DPCD: variants seen among roughly 807,000 people sequenced by gnomAD.
DPCD encodes the protein deleted in primary ciliary dyskinesia homolog (mouse), also known as protein DPCD.
Under a neutral mutation model 26.4 loss-of-function variants are expected in DPCD, and 20 were observed. The observed-to-expected ratio is 0.76, with a 90% confidence interval of 0.53 to 1.10. The LOEUF (loss-of-function observed/expected upper bound fraction) is 1.10, where lower values mean the gene tolerates loss of function less well. Ranked by LOEUF, DPCD falls within the 50% of genes least tolerant of loss-of-function variation. The pLI is 0.00. For synonymous variants in DPCD, 97 were observed against 94.2 expected (o/e 1.03, Z -0.17); for missense variants, 202 against 253.9 (o/e 0.80, Z 1.39).
At chr10:101,592,493 G>A (rs1014931404) in intron 1 of DPCD, among the ~76,000 whole-genome samples, 1 of 152,162 alleles carries the variant, frequency 6.6e-6, no homozygotes, top group African/African-American at 2.4e-5. Flanking sequence ...GCCAAGGCAG[G>A]AGGATCACTT....
At chr10:101,596,807 T>A (rs938613489) in intron 2 of DPCD, among the ~76,000 whole-genome samples, 5 of 152,272 alleles carry the variant, frequency 3.3e-5, no homozygotes, top group Admixed American at 2.6e-4. Flanking sequence ...AGGGACATGG[T>A]TTTTGTGGCA....
rs2063602366 is a variant in DPCD, at chr10:101,590,864, G to A, written c.64+2464G>A. ...ACTGCTCTAGGAACCTCGTCTAAGT[G>A]GAATCATACAATATTTGTCTTTCTG... is the stretch of plus-strand genomic sequence containing the variant. On this transcript the variant is annotated intron_variant, in intron 1 of 5. Coordinates refer to ENST00000370151, the MANE Select transcript of DPCD (RefSeq NM_015448.3). Among the ~76,000 whole-genome samples the A allele has an allele frequency of 2.0e-5, 3 of 152,070 alleles. No homozygotes were observed. The South Asian group carries it at 6.2e-4, about 32-fold the overall frequency.
chr10:101,590,822 TTCTG>T (rs1319802002), intron 1 of DPCD, among the ~76,000 whole-genome samples: 1 of 152,130 alleles, frequency 6.6e-6, no homozygotes, highest in African/African-American at 2.4e-5. Flanking sequence ...CCATTCTACT[TTCTG>T]TCTATGAATT....
chr10:101,590,032 G>A (rs1424172009), intron 1 of DPCD, among the ~76,000 whole-genome samples: 1 of 144,278 alleles, frequency 6.9e-6, no homozygotes, highest in Non-Finnish European at 1.5e-5. Flanking sequence ...CAGCTTGGGC[G>A]ACAGAGCGAG....
At chr10:101,590,288 G>A (rs1050289720) in intron 1 of DPCD, among the ~76,000 whole-genome samples, 1 of 152,026 alleles carries the variant, frequency 6.6e-6, no homozygotes, top group Non-Finnish European at 1.5e-5. Flanking sequence ...GGATGGAAGC[G>A]AGAATAAAAA....
At chr10:101,609,218 G>C in intron 5 of DPCD, 149 bp from the exon 6 acceptor site, 1 of 752,348 alleles carries the variant, frequency 1.3e-6, no homozygotes, top group Non-Finnish European at 2.2e-6. Context: ...TCCTACTCAG[G>C]CACATGACCT....
At chr10:101,602,296 T>C (rs1412122813) in intron 4 of DPCD, among the ~76,000 whole-genome samples, 2 of 152,196 alleles carry the variant, frequency 1.3e-5, no homozygotes, top group Non-Finnish European at 2.9e-5. Context: ...CCTCAGGTGA[T>C]GTGGTGCCAG....
chr10:101,604,749 G>T (rs556793170), intron 4 of DPCD, among the ~76,000 whole-genome samples: 2 of 152,116 alleles, frequency 1.3e-5, no homozygotes, highest in Non-Finnish European at 2.9e-5. Flanking sequence ...TTTAGGCAAG[G>T]TTTCCTCATC....
Position 101,609,427 on chromosome 10 carries a change from G to T in DPCD, c.568G>T (p.Val190Leu). 6.2e-7 allele frequency: 1 copy of T among 1,614,148 alleles called. No homozygotes were observed. The stretch of plus-strand genomic sequence containing the variant: ...TGAGCTACAGAAGGAACTAAAGAAG[G>T]TGAAGACAGCCCACAGCAACGATGG... ...ESELQKELKK[V>L]KTAHSNDGDC... Residue 190 changes from valine (V) to leucine (L), a missense_variant, in exon 6 of 6, where the codon GTG becomes TTG. Val to Leu is a conservative substitution (Grantham distance 32). Transcript: ENST00000370151.
intron 2 of DPCD, among the ~76,000 whole-genome samples, chr10:101,598,365 A>G (rs2063668588): frequency 2.0e-5 from 3 of 152,096 alleles, no homozygotes; most frequent in East Asian, 1.9e-4. Context: ...AAAAACAGAA[A>G]CCTTTCAAAA....
intron 1 of DPCD, chr10:101,588,645 G>C: frequency 7.5e-7 from 1 of 1,336,944 alleles, no homozygotes; most frequent in Non-Finnish European, 9.6e-7. Flanking sequence ...TGCTAATATA[G>C]TAATTTCTTT....
intron 1 of DPCD, 76 bp downstream of exon 1, chr10:101,588,476 T>C: frequency 6.5e-7 from 1 of 1,537,106 alleles, no homozygotes; most frequent in Non-Finnish European, 8.8e-7. Context: ...CCTCAGGGCC[T>C]GGGTCGGCAG....
At chr10:101,598,658 C>G (rs901772310) in intron 2 of DPCD, among the ~76,000 whole-genome samples, 2 of 97,396 alleles carry the variant, frequency 2.1e-5, no homozygotes, top group East Asian at 6.7e-4. Flanking sequence ...GAGTTTCACT[C>G]TTGTTGCCCA....
rs181594662 is a variant in DPCD at position 101,598,252 on chromosome 10, T to C, written c.146-2486T>C. On this transcript the variant is annotated intron_variant, in intron 2 of 5. Transcript: ENST00000370151. ...ATGACTTACAGGGGCACCTCACTTA[T>C]CCAGCCCTAGGTCGTGAGGTAGTCC... Among the ~76,000 whole-genome samples the C allele has an allele frequency of 1.6e-4, 25 of 151,598 alleles. No homozygotes were observed. In the South Asian group the frequency reaches 3.3e-3, roughly 20 times the overall value.
At chr10:101,596,992 G>GT (rs2063656813) in intron 2 of DPCD, among the ~76,000 whole-genome samples, 2 of 152,062 alleles carry the variant, frequency 1.3e-5, no homozygotes, top group African/African-American at 4.8e-5. Flanking sequence ...TTAGTGTCCT[G>GT]TTTTTTTCCT....
chr10:101,589,484 C>G (rs142752993), intron 1 of DPCD, among the ~76,000 whole-genome samples: 1 of 152,272 alleles, frequency 6.6e-6, no homozygotes, highest in East Asian at 1.9e-4. Flanking sequence ...GGCTCACGCC[C>G]GTAATTCCAG....
intron 1 of DPCD, among the ~76,000 whole-genome samples, chr10:101,588,978 A>G (rs2063540061): frequency 6.6e-6 from 1 of 152,250 alleles, no homozygotes. Flanking sequence ...AGCAAGAACC[A>G]AGGGCTGTGC....
intron 1 of DPCD, among the ~76,000 whole-genome samples, chr10:101,590,212 T>C (rs542782832): frequency 6.6e-6 from 1 of 152,290 alleles, no homozygotes; most frequent in East Asian, 1.9e-4. Context: ...TGTTTAGTAA[T>C]GTTAAAGCAG....
At chr10:101,597,269 A>T (rs1444802719) in intron 2 of DPCD, among the ~76,000 whole-genome samples, 1 of 152,158 alleles carries the variant, frequency 6.6e-6, no homozygotes, top group African/African-American at 2.4e-5. Context: ...ATCCCCAAGC[A>T]CTTCACTGGC....
Sources: allele counts gnomAD v4.1 joint callset (sites outside exome capture counted in the v4.1 genomes callset), GRCh38; gene constraint gnomAD v4.1.1; transcripts MANE v1.5; gene names NCBI Gene and HGNC (gene_info 2026-07-23, HGNC 2026-07-21).